The following ABCA3 variants were observed in gnomAD, a reference collection of about 807,000 sequenced individuals.
The protein encoded by ABCA3 is phospholipid-transporting ATPase ABCA3.
Under a neutral mutation model 172.8 loss-of-function variants are expected in ABCA3, and 88 were observed. The observed-to-expected ratio is 0.51, with a 90% CI of 0.43 to 0.61. The LOEUF is 0.61. Ranked by LOEUF, ABCA3 falls within the 20% of genes least tolerant of loss-of-function variation. The pLI is 0.00. For synonymous variants in ABCA3, 1,066 were observed against 983.8 expected, an observed-to-expected ratio of 1.08 and a Z score of -1.56; for missense variants, 2,164 against 2,301.0, an observed-to-expected ratio of 0.94 and a Z score of 1.22.
intron 8 of ABCA3, 93 bp downstream of exon 8, chr16:2,319,488 A>AG: frequency 6.6e-7 from 1 of 1,524,260 alleles, no homozygotes; most frequent in Non-Finnish European, 8.7e-7. Context: ...CCAACTCAAA[A>AG]AAAAAAAAAT....
At position 2,283,550 on chromosome 16, in the gene ABCA3, T is replaced by A; in HGVS notation, c.3863-192A>T. ...ACAGCTCAGAGAGGGGCCAGGCACG[T>A]AACAATCCAATGCAGTCCCATGAGC... is the stretch of plus-strand genomic sequence containing the variant. On this transcript the variant is annotated intron_variant, in intron 25 of 32. Coordinates refer to ENST00000301732, the MANE Select transcript of ABCA3 (RefSeq NM_001089.3). The surrounding 1 kb of genome is among the most constrained non-coding windows in gnomAD (Gnocchi z 5.4). 1.6e-6 allele frequency: 1 copy of A among 634,196 alleles called. No homozygotes were observed. The highest frequency in any genetic ancestry group is 2.7e-6 in the Non-Finnish European group (1 of 371,890). 39.3% of individuals were successfully genotyped at this position (634,196 alleles called of 1,614,324 possible).
At chr16:2,311,676 C>G (rs1166318679) in intron 10 of ABCA3, among the ~76,000 whole-genome samples, 1 of 152,186 alleles carries the variant, frequency 6.6e-6, no homozygotes, top group East Asian at 1.9e-4. Context: ...CATCCGCCAC[C>G]ATGCCCGACT....
At chr16:2,322,750 A>G (rs2141736429) in intron 7 of ABCA3, among the ~76,000 whole-genome samples, 2 of 152,210 alleles carry the variant, frequency 1.3e-5, no homozygotes, top group East Asian at 3.9e-4. Flanking sequence ...ATGGGCAAGG[A>G]CTTCATGACT....
At chr16:2,289,155 C>T (rs1417689745) in intron 20 of ABCA3, 4 of 505,020 alleles carry the variant, frequency 7.9e-6, no homozygotes, top group African/African-American at 1.9e-5. Context: ...TCGTTGGCTG[C>T]TAGAGAGCCT....
intron 12 of ABCA3, 90 bp downstream of exon 12, chr16:2,303,879 C>T: frequency 6.9e-7 from 1 of 1,449,142 alleles, no homozygotes; most frequent in Non-Finnish European, 9.6e-7. Context: ...GTGCTGCATG[C>T]TGGGGACTCA....
At position 2,276,730 on chromosome 16, in the gene ABCA3, G is replaced by T; in HGVS notation, c.5059C>A (p.Gln1687Lys). Residue 1687 changes from glutamine (Q) to lysine (K), a missense_variant, in exon 33 of 33, where the codon CAG becomes AAG. This residue lies in a region of ABCA3 where 795 missense variants were observed against 881.9 expected (regional missense o/e 0.90). Transcript: ENST00000301732. ...DYSVSQISLEQVFLSFAHLQP... is the reference protein window; with the variant it reads ...DYSVSQISLEKVFLSFAHLQP... ...AGGTGGGCGAAGCTCAGGAAGACCT[G>T]TTCCAGCGAGATCTGGCTCACGGAG... The T allele has an allele frequency of 6.2e-7, 1 of 1,613,994 alleles. No individual in the cohort carries two copies.
Position 2,326,281 on chromosome 16 carries a change from G to A in ABCA3, c.55-7C>T, listed in dbSNP as rs182107039. The stretch of plus-strand genomic sequence containing the variant: ...TCACCAGGACCTTCCGCTTCTGGAA[G>A]AGATACAATAGGGCACGGTGATGGG... On this transcript the variant is annotated splice_polypyrimidine_tract_variant and splice_region_variant and intron_variant, in intron 4 of 32. Coordinates refer to ENST00000301732, the MANE Select transcript of ABCA3 (RefSeq NM_001089.3). The A allele has an allele frequency of 3.1e-6, 5 of 1,612,696 alleles. No homozygotes were observed. In the Admixed American group the frequency reaches 6.7e-5, roughly 21 times the overall value.
rs565705161 is a variant in ABCA3, at chr16:2,285,422, C to T, written c.3483+20G>A. 76 of 1,594,950 alleles carry T rather than the reference C, an allele frequency of 4.8e-5. No homozygotes were observed. The highest frequency in any genetic ancestry group is 6.3e-5 in the Non-Finnish European group (74 of 1,170,964). On this transcript the variant is annotated intron_variant, in intron 23 of 32. Transcript: ENST00000301732. This position sits in a 1 kb window ranked among gnomAD's most constrained non-coding sequence, Gnocchi z 4.7. ...TCTGCGGTCTGCAGGGGAACGGATC[C>T]AGCACCCTCCGGCGCTCACCAGCAG...
chr16:2,322,989 G>A (rs1458614116), intron 7 of ABCA3, among the ~76,000 whole-genome samples: 1 of 152,134 alleles, frequency 6.6e-6, no homozygotes, highest in African/African-American at 2.4e-5. Flanking sequence ...CAAAAAGTGG[G>A]CAAAGGATAT....
chr16:2,294,054 A>G (rs1235952949), intron 18 of ABCA3, among the ~76,000 whole-genome samples: 1 of 149,612 alleles, frequency 6.7e-6, no homozygotes, highest in African/African-American at 2.5e-5. Flanking sequence ...CCCAGGCTGG[A>G]ATCCAGGGGT....
chr16:2,336,406 T>C (rs928427578), intron 1 of ABCA3, among the ~76,000 whole-genome samples: 6 of 151,816 alleles, frequency 4.0e-5, no homozygotes, highest in African/African-American at 1.4e-4. Flanking sequence ...ATGCTGTTAA[T>C]AACTAGGGCC....
chr16:2,305,766 G>C (rs982772353), intron 11 of ABCA3, among the ~76,000 whole-genome samples: 1 of 151,586 alleles, frequency 6.6e-6, no homozygotes, highest in Non-Finnish European at 1.5e-5. Flanking sequence ...GTAGTGATGG[G>C]GGTCTTGCTA....
At chr16:2,324,143 G>A (rs1049467351) in intron 6 of ABCA3, among the ~76,000 whole-genome samples, 30 of 152,188 alleles carry the variant, frequency 2.0e-4, no homozygotes, top group Non-Finnish European at 4.0e-4. Context: ...CATAAAATGA[G>A]GGAACAGAAA....
intron 6 of ABCA3, among the ~76,000 whole-genome samples, chr16:2,324,048 C>T (rs370997541): frequency 3.3e-5 from 5 of 152,172 alleles, no homozygotes; most frequent in East Asian, 1.9e-4. Flanking sequence ...TCTTTCTTTC[C>T]GCCAGATCAT....
intron 26 of ABCA3, among the ~76,000 whole-genome samples, chr16:2,282,949 G>C (rs2093657268): frequency 6.6e-6 from 1 of 152,244 alleles, no homozygotes; most frequent in Non-Finnish European, 1.5e-5. Flanking sequence ...GACGGCCCTG[G>C]GCCCCCAGGC....
chr16:2,283,181 C>T lies in ABCA3; in HGVS notation c.4035+5G>A, dbSNP rs1156527884. ...CCAGTGTCCTGGGCTCCCGGAGCCA[C>T]TCACCAGTGTCCGCCTCCTCCGGAG... is the stretch of plus-strand genomic sequence containing the variant. On this transcript the variant is annotated splice_donor_5th_base_variant and intron_variant, in intron 26 of 32. Coordinates refer to ENST00000301732, the MANE Select transcript of ABCA3 (RefSeq NM_001089.3). The surrounding 1 kb of genome is among the most constrained non-coding windows in gnomAD (Gnocchi z 5.4). The T allele has an allele frequency of 6.8e-6, 11 of 1,612,708 alleles. No individual in the cohort carries two copies. Among genetic ancestry groups the T allele is most frequent in the Non-Finnish European group, 9.3e-6 (11 of 1,179,812 alleles).
In ABCA3 at chr16:2,283,643, C is replaced by A; in HGVS notation, c.3863-285G>T. 1 of 454,468 alleles carries A rather than the reference C, an allele frequency of 2.2e-6. No homozygotes were observed. Among genetic ancestry groups the A allele is most frequent in the Non-Finnish European group, 4.1e-6 (1 of 245,170 alleles). The allele number at this position is 454,468 out of a possible 1,614,324, so 28.2% of individuals were successfully genotyped here. On this transcript the variant is annotated intron_variant, in intron 25 of 32. Transcript: ENST00000301732. The surrounding 1 kb of genome is among the most constrained non-coding windows in gnomAD (Gnocchi z 5.4). ...CAGGCTCTGCGTGAATCCTGGGCTG[C>A]CTCCTGACCAGGACAGAGACCGTTA...
Position 2,312,419 on chromosome 16 carries a change from C to A in ABCA3, c.1112-3796G>T, listed in dbSNP as rs540770286. 4.6e-5 allele frequency among the ~76,000 whole-genome samples: 7 copies of A among 152,212 alleles called. No individual in the cohort carries two copies. The East Asian group carries it at 1.3e-3, about 29-fold the overall frequency. The stretch of plus-strand genomic sequence containing the variant: ...CAGTACAAGTACTTTATGTGTACAT[C>A]CCATTTCGTCACACAGAATACTAAA... On this transcript the variant is annotated intron_variant, in intron 10 of 32. Transcript: ENST00000301732.
chr16:2,279,153 G>A lies in ABCA3; in HGVS notation c.4360-23C>T. The A allele has an allele frequency of 6.2e-7, 1 of 1,607,794 alleles. No individual in the cohort carries two copies. The highest frequency in any genetic ancestry group is 8.5e-7 in the Non-Finnish European group (1 of 1,179,632). ...CACCTGGGGTCGGAGCATAGCCGGGGAGGGAGGCGGGTTGGAGGGAAGCCT... is the reference window on the plus strand; with the variant it reads ...CACCTGGGGTCGGAGCATAGCCGGGAAGGGAGGCGGGTTGGAGGGAAGCCT... On this transcript the variant is annotated intron_variant, in intron 28 of 32. Transcript: ENST00000301732. The surrounding 1 kb of genome is among the most constrained non-coding windows in gnomAD (Gnocchi z 4.4).
Sources: allele counts gnomAD v4.1 joint callset (sites outside exome capture counted in the v4.1 genomes callset), GRCh38; gene constraint gnomAD v4.1.1; regional missense constraint gnomAD v4.1.1; non-coding constraint Gnocchi (gnomAD v3.1); transcripts MANE v1.5; gene names NCBI Gene and HGNC (gene_info 2026-07-23, HGNC 2026-07-21).